The following KIF4A variants were observed in gnomAD, a reference collection of about 807,000 sequenced individuals.
KIF4A encodes the protein chromosome-associated kinesin KIF4A.
A neutral mutation model predicts 105.9 loss-of-function variants in KIF4A; 7 were observed. The observed-to-expected ratio is 0.07, with a 90% CI of 0.04 to 0.12. The LOEUF is 0.12. Ranked by LOEUF, KIF4A falls within the 10% of genes least tolerant of loss-of-function variation. KIF4A has a pLI of 1.00. For missense variants in KIF4A, 558 were observed against 929.2 expected, an observed-to-expected ratio of 0.60 and a Z score of 5.19; for synonymous variants, 281 against 331.3, an observed-to-expected ratio of 0.85 and a Z score of 1.65.
intron 15 of KIF4A, among the ~76,000 whole-genome samples, chrX:70,372,792 CTTTACAG>C (rs2086145566): frequency 8.9e-6 from 1 of 112,956 alleles, no homozygotes; most frequent in Non-Finnish European, 1.9e-5. Flanking sequence ...TTGTGCAGCT[CTTTACAG>C]TTTACAAAAT....
At chrX:70,314,064 A>G (rs935351244) in intron 7 of KIF4A, among the ~76,000 whole-genome samples, 1 of 111,771 alleles carries the variant, frequency 8.9e-6, no homozygotes, top group African/African-American at 3.2e-5. Flanking sequence ...CTCTACTGAT[A>G]TTTATATACA....
At chrX:70,309,795 A>G (rs958877562) in intron 7 of KIF4A, among the ~76,000 whole-genome samples, 1 of 112,562 alleles carries the variant, frequency 8.9e-6, no homozygotes, top group Non-Finnish European at 1.9e-5. Flanking sequence ...TGTAATCCCA[A>G]CACTTGGGGA....
At chrX:70,344,619 C>T (rs904070991) in intron 13 of KIF4A, among the ~76,000 whole-genome samples, 1 of 111,362 alleles carries the variant, frequency 9.0e-6, no homozygotes, top group Non-Finnish European at 1.9e-5. Context: ...ACATTGAAAT[C>T]GTACTATAAC....
At chrX:70,312,593 CAT>C (rs1383718255) in intron 7 of KIF4A, among the ~76,000 whole-genome samples, 1 of 112,370 alleles carries the variant, frequency 8.9e-6, no homozygotes, top group African/African-American at 3.2e-5. Flanking sequence ...TATAGTTTCA[CAT>C]GTTTCACTTT....
chrX:70,345,413 G>A (rs749046969), intron 13 of KIF4A, among the ~76,000 whole-genome samples: 3 of 107,060 alleles, frequency 2.8e-5, no homozygotes, highest in East Asian at 3.0e-4. Context: ...GCAGTGAGCC[G>A]AGATTGTGCC....
intron 5 of KIF4A, among the ~76,000 whole-genome samples, chrX:70,300,653 CTTAGT>C (rs772771988): frequency 3.5e-4 from 39 of 111,601 alleles, no homozygotes; most frequent in African/African-American, 9.8e-4. Flanking sequence ...GGCTAAAGAG[CTTAGT>C]TTCTATCCCT....
intron 15 of KIF4A, among the ~76,000 whole-genome samples, chrX:70,369,275 A>T (rs1423090930): frequency 1.8e-5 from 2 of 111,763 alleles, no homozygotes; most frequent in African/African-American, 6.5e-5. Flanking sequence ...CTCTCTGACA[A>T]TCCCCAGTGA....
At chrX:70,308,934 A>G (rs1619952) in intron 7 of KIF4A, among the ~76,000 whole-genome samples, 14,105 of 112,015 alleles carry the variant, frequency 0.13, 1,427 homozygotes, top group African/African-American at 0.34. Context: ...TATCCCGTGT[A>G]TATAAGTCTA....
intron 25 of KIF4A, 51 bp downstream of exon 25, chrX:70,404,873 A>G (rs2086294540): frequency 1.2e-6 from 1 of 822,717 alleles, no homozygotes; most frequent in African/African-American, 2.0e-5. Flanking sequence ...CTAACTGAGA[A>G]TCTTGTCTCA....
At chrX:70,402,299 A>G (rs924065128) in intron 22 of KIF4A, among the ~76,000 whole-genome samples, 2 of 112,259 alleles carry the variant, frequency 1.8e-5, no homozygotes, top group Non-Finnish European at 3.8e-5. Flanking sequence ...CCTTACTGTG[A>G]TAAGTCTTTC....
In KIF4A at chrX:70,341,793, T is replaced by C; in HGVS notation, c.1134-6T>C. On this transcript the variant is annotated splice_polypyrimidine_tract_variant and splice_region_variant and intron_variant, in intron 10 of 30. Coordinates refer to ENST00000374403, the MANE Select transcript of KIF4A (RefSeq NM_012310.5). ...TTTTTCTAATATGTTATTTACTTTG[T>C]TTTAGTGTGGAACCATCAGAGAATC... The C allele has an allele frequency of 8.3e-7, 1 of 1,203,474 alleles. No homozygotes were observed. Among genetic ancestry groups the C allele is most frequent in the Non-Finnish European group, 1.1e-6 (1 of 889,671 alleles).
chrX:70,333,573 G>A, intron 9 of KIF4A, 55 bp from the exon 10 acceptor site: 3 of 860,556 alleles, frequency 3.5e-6, no homozygotes, highest in Non-Finnish European at 3.5e-6. Context: ...TACTGCCAAG[G>A]GTTAAGTAGC....
intron 15 of KIF4A, among the ~76,000 whole-genome samples, chrX:70,369,608 T>C (rs886812632): frequency 1.8e-5 from 2 of 111,806 alleles, no homozygotes; most frequent in African/African-American, 6.5e-5. Flanking sequence ...AGTAAAACCT[T>C]GCACATGTGC....
chrX:70,302,126 A>G (rs2085806768), intron 6 of KIF4A, 60 bp downstream of exon 6: 3 of 1,141,899 alleles, frequency 2.6e-6, no homozygotes, highest in Admixed American at 2.3e-5. Flanking sequence ...GTTAAACATT[A>G]GACTGCTTCT....
chrX:70,306,842 C>CT (rs1253944613), intron 7 of KIF4A, among the ~76,000 whole-genome samples: 149 of 100,121 alleles, frequency 1.5e-3, no homozygotes, highest in Middle Eastern at 5.0e-3. Context: ...TGCCCGGCCT[C>CT]TTTTTTTTTT....
intron 26 of KIF4A, 41 bp from the exon 27 acceptor site, chrX:70,406,218 G>T: frequency 9.2e-7 from 1 of 1,092,141 alleles, no homozygotes; most frequent in Non-Finnish European, 1.3e-6. Flanking sequence ...ACTCCCAGAA[G>T]CTGCCCTGCA....
At chrX:70,317,201 C>T (rs2085872621) in intron 7 of KIF4A, among the ~76,000 whole-genome samples, 3 of 111,183 alleles carry the variant, frequency 2.7e-5, no homozygotes, top group African/African-American at 6.5e-5. Flanking sequence ...GGTGAATATA[C>T]GTACCTAAAT....
chrX:70,310,213 T>C (rs142014865), intron 7 of KIF4A, among the ~76,000 whole-genome samples: 1 of 110,790 alleles, frequency 9.0e-6, no homozygotes, highest in African/African-American at 3.3e-5. Context: ...CAATCCATCC[T>C]TCCCCCATTC....
intron 15 of KIF4A, among the ~76,000 whole-genome samples, chrX:70,365,346 T>G (rs897475261): frequency 1.8e-5 from 2 of 111,586 alleles, no homozygotes; most frequent in African/African-American, 6.5e-5. Context: ...TGCTTCCAGT[T>G]TTTGCCCATT....
Sources: gnomAD v4.1 joint callset for allele counts (sites outside exome capture counted in the v4.1 genomes callset) on GRCh38, gnomAD v4.1.1 for gene constraint, MANE v1.5 for transcripts, NCBI Gene and HGNC (gene_info 2026-07-23, HGNC 2026-07-21) for gene names.